Variants in HPSE2 observed in about 807,000 individuals in gnomAD.
The protein encoded by HPSE2 is heparanase 2 (inactive).
A neutral mutation model predicts 60.5 loss-of-function variants in HPSE2; 38 were observed. The observed-to-expected ratio is 0.63, with a 90% CI of 0.48 to 0.82. The LOEUF (loss-of-function observed/expected upper bound fraction) is 0.82. HPSE2 is among the 40% of genes least tolerant of loss of function. The probability of loss-of-function intolerance (pLI) is 0.00; values close to 1 mark genes in which losing one functional copy is unlikely to be tolerated. For synonymous variants in HPSE2, 295 were observed against 293.2 expected (o/e 1.01, Z -0.06); for missense variants, 713 against 740.4 (o/e 0.96, Z 0.43).
chr10:98,565,196 T>G (rs765146040), intron 9 of HPSE2, among the ~76,000 whole-genome samples: 8 of 151,650 alleles, frequency 5.3e-5, no homozygotes, highest in Admixed American at 6.6e-5. Context: ...CCAGGATACA[T>G]GCGCAGAACA....
intron 3 of HPSE2, among the ~76,000 whole-genome samples, chr10:98,793,579 G>A (rs1950706822): frequency 1.3e-5 from 2 of 152,214 alleles, no homozygotes; most frequent in Non-Finnish European, 2.9e-5. Context: ...AAGAGTGTGG[G>A]ATGAGGGAAG....
At chr10:99,276,208 C>T in the HPSE2 span, among the ~76,000 whole-genome samples, 1 of 152,140 alleles carries the variant, frequency 6.6e-6, no homozygotes, top group Non-Finnish European at 1.5e-5. Context: ...CATAACAACT[C>T]CATTTAGTAA....
chr10:99,252,672 C>G, the HPSE2 span, among the ~76,000 whole-genome samples: 2 of 151,958 alleles, frequency 1.3e-5, no homozygotes, highest in South Asian at 2.1e-4. Flanking sequence ...GTCAGGAGAT[C>G]GAGACCATCC....
At chr10:98,551,188 T>A (rs1405807248) in intron 9 of HPSE2, among the ~76,000 whole-genome samples, 1 of 152,052 alleles carries the variant, frequency 6.6e-6, no homozygotes, top group South Asian at 2.1e-4. Context: ...CTTTATTTTG[T>A]ATGTGGGATT....
chr10:99,176,692 A>C lies in HPSE2; in HGVS notation c.449-32293T>G, dbSNP rs529265151. Among the ~76,000 whole-genome samples, 3 of 152,302 alleles carry C rather than the reference A, an allele frequency of 2.0e-5. No individual in the cohort carries two copies. The East Asian group carries it at 5.8e-4, about 29-fold the overall frequency. On this transcript the variant is annotated intron_variant, in intron 2 of 11. Transcript: ENST00000370552. ...AGGGAGAATGGAGCCAAGTTGGAAA[A>C]AACTCTTCAGGATATTATCCAGAAC...
At chr10:98,544,923 G>T (rs555993999) in intron 9 of HPSE2, among the ~76,000 whole-genome samples, 9 of 152,020 alleles carry the variant, frequency 5.9e-5, no homozygotes, top group African/African-American at 1.4e-4. Context: ...TAATAAAGAA[G>T]AAAAGGGAGA....
chr10:99,185,957 G>A (rs1379777895), intron 2 of HPSE2, among the ~76,000 whole-genome samples: 1 of 151,862 alleles, frequency 6.6e-6, no homozygotes, highest in Non-Finnish European at 1.5e-5. Context: ...AGAGAAACTT[G>A]GTATATGCAT....
intron 3 of HPSE2, among the ~76,000 whole-genome samples, chr10:99,033,977 GT>G (rs1328024532): frequency 6.6e-6 from 1 of 152,236 alleles, no homozygotes; most frequent in Admixed American, 6.5e-5. Context: ...CCAAAGTAGA[GT>G]GAATCAAATG....
At chr10:99,191,647 G>A (rs1308405209) in intron 2 of HPSE2, among the ~76,000 whole-genome samples, 1 of 152,174 alleles carries the variant, frequency 6.6e-6, no homozygotes, top group Non-Finnish European at 1.5e-5. Context: ...CGTGGAAAGC[G>A]TTCCCAAGAA....
chr10:99,168,327 T>G (rs1393438245), intron 2 of HPSE2, among the ~76,000 whole-genome samples: 1 of 152,212 alleles, frequency 6.6e-6, no homozygotes, highest in African/African-American at 2.4e-5. Context: ...TCTGCTGCCC[T>G]GATAAATGGT....
intron 5 of HPSE2, among the ~76,000 whole-genome samples, chr10:98,713,862 C>G (rs1201032015): frequency 6.6e-6 from 1 of 151,890 alleles, no homozygotes; most frequent in African/African-American, 2.4e-5. Flanking sequence ...TCTCCTTTAC[C>G]TCTCCATTTA....
At position 98,934,624 on chromosome 10, in the gene HPSE2, C is replaced by T. The variant is rs557370060; in HGVS notation, c.611-190568G>A. On this transcript the variant is annotated intron_variant, in intron 3 of 11. Transcript: ENST00000370552. ...TTGGCCCCCAATTTCTTCTGGCTTG[C>T]AGAGTTTCTGCTCAGAGGTCCACTG... Among the ~76,000 whole-genome samples, 21 of 144,076 alleles carry T rather than the reference C, an allele frequency of 1.5e-4. 2 individuals are homozygous for T. The highest frequency in any genetic ancestry group is 4.5e-4 in the African/African-American group (16 of 35,522). 94.5% of individuals were successfully genotyped at this position (144,076 alleles called of 152,430 possible). A position where few individuals can be genotyped will look rare whatever the true frequency, so the allele number is the denominator to read the frequency against.
chr10:98,689,022 T>TA (rs1443088493), intron 6 of HPSE2, among the ~76,000 whole-genome samples: 1 of 152,142 alleles, frequency 6.6e-6, no homozygotes, highest in African/African-American at 2.4e-5. Context: ...TAAAGATTTT[T>TA]ACGTTATTTT....
Position 98,620,740 on chromosome 10 carries a change from C to T in HPSE2, c.1099-32G>A, listed in dbSNP as rs140384869. The T allele has an allele frequency of 4.5e-4, 663 of 1,463,540 alleles. 6 individuals carry two copies. Among genetic ancestry groups the T allele is most frequent in the Middle Eastern group, 1.9e-3 (11 of 5,792 alleles). 90.7% of individuals were successfully genotyped at this position (1,463,540 alleles called of 1,614,324 possible). A position where few individuals can be genotyped will look rare whatever the true frequency, so the allele number is the denominator to read the frequency against. On this transcript the variant is annotated intron_variant, in intron 7 of 11. Transcript: ENST00000370552. Reference sequence around the variant, plus strand: ...ACACAACAAAAGCAGAAGGGGATAACGAGGTTTTAAAAGCTATTCCCACAT... The same window carrying T: ...ACACAACAAAAGCAGAAGGGGATAATGAGGTTTTAAAAGCTATTCCCACAT...
chr10:98,799,096 A>G (rs1950846712), intron 3 of HPSE2, among the ~76,000 whole-genome samples: 1 of 152,194 alleles, frequency 6.6e-6, no homozygotes, highest in Non-Finnish European at 1.5e-5. Flanking sequence ...ATGGAAAAAG[A>G]TATTCCATGC....
chr10:98,863,881 T>C (rs1442737937), intron 3 of HPSE2, among the ~76,000 whole-genome samples: 1 of 152,148 alleles, frequency 6.6e-6, no homozygotes, highest in Non-Finnish European at 1.5e-5. Flanking sequence ...TTTAAGTGAA[T>C]TTCATTATTA....
chr10:98,599,551 G>A (rs577512451), intron 9 of HPSE2, among the ~76,000 whole-genome samples: 3 of 152,172 alleles, frequency 2.0e-5, no homozygotes, highest in East Asian at 1.9e-4. Flanking sequence ...TCCCATGGGG[G>A]CCTGACCAGT....
At chr10:98,474,730 G>T (rs752763573) in intron 11 of HPSE2, among the ~76,000 whole-genome samples, 76 of 152,236 alleles carry the variant, frequency 5.0e-4, no homozygotes, top group Middle Eastern at 3.4e-3. Flanking sequence ...TTCAGCTAAA[G>T]GAGAGGCTCA....
the HPSE2 span, among the ~76,000 whole-genome samples, chr10:99,255,495 C>T: frequency 2.0e-5 from 3 of 151,770 alleles, no homozygotes; most frequent in African/African-American, 7.3e-5. Context: ...GTTGTTTTAA[C>T]ATTCAAAAGC....
Sources: gnomAD v4.1 joint callset for allele counts (sites outside exome capture counted in the v4.1 genomes callset) on GRCh38, gnomAD v4.1.1 for gene constraint, MANE v1.5 for transcripts, NCBI Gene and HGNC (gene_info 2026-07-23, HGNC 2026-07-21) for gene names.